Variants in GPM6A observed in about 807,000 individuals in gnomAD.
The protein encoded by GPM6A is neuronal membrane glycoprotein M6-a.
Under a neutral mutation model 32.1 loss-of-function variants are expected in GPM6A, and 7 were observed. That is an observed-to-expected ratio of 0.22 (90% confidence interval 0.12 to 0.41). The LOEUF is 0.41. GPM6A is among the 10% of genes least tolerant of loss of function. GPM6A has a pLI of 1.00. For missense variants in GPM6A, 235 were observed against 347.2 expected, an observed-to-expected ratio of 0.68 and a Z score of 2.57; for synonymous variants, 130 against 123.4, an observed-to-expected ratio of 1.05 and a Z score of -0.35.
At chr4:175,728,891 C>T (rs1731290500) in intron 1 of GPM6A, among the ~76,000 whole-genome samples, 1 of 152,162 alleles carries the variant, frequency 6.6e-6, no homozygotes, top group Non-Finnish European at 1.5e-5. Flanking sequence ...AAGAGCACCC[C>T]TCATCCAGTG....
chr4:175,790,851 G>A (rs1265671075), intron 1 of GPM6A, among the ~76,000 whole-genome samples: 2 of 152,146 alleles, frequency 1.3e-5, no homozygotes, highest in Admixed American at 6.5e-5. Context: ...GAAAAAAAGA[G>A]AGCATAAATG....
intron 1 of GPM6A, among the ~76,000 whole-genome samples, chr4:175,849,097 G>T (rs1014230824): frequency 6.6e-6 from 1 of 152,136 alleles, no homozygotes; most frequent in African/African-American, 2.4e-5. Context: ...ATAGATTTAA[G>T]AGTGTAAAAA....
intron 2 of GPM6A, among the ~76,000 whole-genome samples, chr4:175,697,416 A>C (rs78596445): frequency 0.047 from 7,168 of 152,224 alleles, 203 homozygotes; most frequent in Non-Finnish European, 0.063. Flanking sequence ...GATGAAAAAA[A>C]TGTCCTCCTC....
At chr4:175,891,891 C>T (rs879881677) in intron 1 of GPM6A, 3 of 152,160 alleles carry the variant, frequency 2.0e-5, no homozygotes, top group Non-Finnish European at 2.9e-5. Context: ...AAAGGCAAGG[C>T]TATGATTCAT....
rs968865178 is a variant in GPM6A, at chr4:175,903,704, T to C, written c.-22-91455A>G. ...CAAACAAACCCACACTGAGGGACAT[T>C]CCATAAAATAAGTGTCCTATAATTT... On this transcript the variant is annotated intron_variant, in intron 1 of 7. Coordinates refer to the GPM6A transcript ENST00000280187. 4.6e-4 allele frequency among the ~76,000 whole-genome samples: 70 copies of C among 152,098 alleles called. 1 individual carries two copies. The highest frequency in any genetic ancestry group is 4.4e-5 in the Non-Finnish European group (3 of 68,020).
chr4:175,708,621 A>C (rs1745349054), intron 1 of GPM6A, among the ~76,000 whole-genome samples: 1 of 152,110 alleles, frequency 6.6e-6, no homozygotes, highest in South Asian at 2.1e-4. Flanking sequence ...TCCTGGGAGA[A>C]GGTTTCAAAC....
At chr4:175,738,457 A>C (rs888077754) in intron 1 of GPM6A, among the ~76,000 whole-genome samples, 1 of 152,122 alleles carries the variant, frequency 6.6e-6, no homozygotes, top group African/African-American at 2.4e-5. Context: ...TATTCTTAAT[A>C]TGTTTTCTTA....
At chr4:175,728,073 C>T (rs962352470) in intron 1 of GPM6A, among the ~76,000 whole-genome samples, 2 of 151,218 alleles carry the variant, frequency 1.3e-5, no homozygotes, top group Admixed American at 1.3e-4. Context: ...GATCATCTCA[C>T]TTCTTACATA....
At chr4:175,704,788 A>G (rs1368958470) in intron 1 of GPM6A, among the ~76,000 whole-genome samples, 1 of 152,198 alleles carries the variant, frequency 6.6e-6, no homozygotes, top group Non-Finnish European at 1.5e-5. Context: ...ATGTTTCACA[A>G]AACTGTTCAA....
intron 2 of GPM6A, among the ~76,000 whole-genome samples, chr4:175,688,379 G>A (rs1744111368): frequency 1.3e-5 from 2 of 152,068 alleles, no homozygotes; most frequent in South Asian, 4.2e-4. Flanking sequence ...TTTGTGTGTG[G>A]TGTAATATAA....
intron 1 of GPM6A, among the ~76,000 whole-genome samples, chr4:175,985,612 G>T (rs1579687444): frequency 6.6e-6 from 1 of 152,138 alleles, no homozygotes; most frequent in East Asian, 1.9e-4. Flanking sequence ...GCAATGGCAA[G>T]AGTGAGTGTC....
intron 1 of GPM6A, among the ~76,000 whole-genome samples, chr4:175,899,956 T>C (rs1393464851): frequency 1.3e-5 from 2 of 152,026 alleles, no homozygotes; most frequent in East Asian, 3.9e-4. Context: ...GAGAAGATAT[T>C]TGCAAACTAC....
intron 1 of GPM6A, among the ~76,000 whole-genome samples, chr4:175,839,554 T>C (rs1257758381): frequency 6.6e-6 from 1 of 152,168 alleles, no homozygotes; most frequent in Non-Finnish European, 1.5e-5. Context: ...TATTTGATAA[T>C]GAACTTGTAT....
rs2110855908 is a variant in GPM6A, at chr4:175,634,881, G to A, written c.*24C>T. On this transcript the variant is annotated 3_prime_UTR_variant, in exon 7 of 7. Transcript: ENST00000393658. Reference sequence around the variant, plus strand: ...TAGTTAAACACCAATGCATTCAAATGGTAGAAAGAACAGGAAGATGCATTT... The same window carrying A: ...TAGTTAAACACCAATGCATTCAAATAGTAGAAAGAACAGGAAGATGCATTT... 17 of 1,602,360 alleles carry A rather than the reference G, an allele frequency of 1.1e-5. No homozygotes were observed. Among genetic ancestry groups the A allele is most frequent in the Non-Finnish European group, 1.4e-5 (16 of 1,171,218 alleles).
chr4:175,978,337 G>C (rs1202200104), intron 1 of GPM6A, among the ~76,000 whole-genome samples: 1 of 152,148 alleles, frequency 6.6e-6, no homozygotes, highest in Non-Finnish European at 1.5e-5. Flanking sequence ...ACTATCATGA[G>C]AACAGCATGG....
intron 3 of GPM6A, among the ~76,000 whole-genome samples, chr4:175,661,011 A>G (rs553974777): frequency 6.6e-6 from 1 of 152,310 alleles, no homozygotes; most frequent in East Asian, 1.9e-4. Context: ...AAGATATCAG[A>G]TTTACATGCA....
intron 1 of GPM6A, among the ~76,000 whole-genome samples, chr4:175,744,226 T>A (rs936434627): frequency 1.3e-5 from 2 of 152,034 alleles, no homozygotes; most frequent in Non-Finnish European, 2.9e-5. Context: ...TATCCAAATA[T>A]GTTCAATTTA....
rs969451000 is a variant in GPM6A, at chr4:175,677,931, C to T, written c.231-4095G>A. ...AAACAATCGAGCAAAAAAGTTTTAGCCTAAGTCAGTCACATGATGGTTAGG... is the reference window on the plus strand; with the variant it reads ...AAACAATCGAGCAAAAAAGTTTTAGTCTAAGTCAGTCACATGATGGTTAGG... On this transcript the variant is annotated intron_variant, in intron 2 of 6. Coordinates refer to ENST00000393658, the MANE Select transcript of GPM6A (RefSeq NM_201591.3). Among the ~76,000 whole-genome samples, 7 of 152,120 alleles carry T rather than the reference C, an allele frequency of 4.6e-5. 1 individual carries two copies. In the East Asian group the frequency reaches 1.2e-3, roughly 25 times the overall value.
rs867518573 is a variant in GPM6A at position 175,730,455 on chromosome 4, A to G, written c.38-28688T>C. ...ACGGGGTTTCACGATGTTGGCCAGGATGGTCTCGATCTCTTCTTTTTTTTT... is the reference window on the plus strand; with the variant it reads ...ACGGGGTTTCACGATGTTGGCCAGGGTGGTCTCGATCTCTTCTTTTTTTTT... On this transcript the variant is annotated intron_variant, in intron 1 of 6. Coordinates refer to ENST00000393658, the MANE Select transcript of GPM6A (RefSeq NM_201591.3). Among the ~76,000 whole-genome samples the G allele has an allele frequency of 2.1e-5, 3 of 144,142 alleles. 1 individual carries two copies. The highest frequency in any genetic ancestry group is 4.3e-4 in the South Asian group (2 of 4,616). The allele number at this position is 144,142 out of a possible 152,430, so 94.6% of individuals were successfully genotyped here.
Sources: gnomAD v4.1 joint callset for allele counts (sites outside exome capture counted in the v4.1 genomes callset) on GRCh38, gnomAD v4.1.1 for gene constraint, MANE v1.5 for transcripts, NCBI Gene and HGNC (gene_info 2026-07-23, HGNC 2026-07-21) for gene names.